The following ARMC3 variants were observed in gnomAD, a reference collection of about 807,000 sequenced individuals.
ARMC3 encodes the protein armadillo repeat-containing protein 3.
Under a neutral mutation model 90.3 loss-of-function variants are expected in ARMC3, and 74 were observed. The observed-to-expected ratio is 0.82, with a 90% CI of 0.68 to 0.99. ARMC3 has a LOEUF of 0.99. Among genes scored for constraint, ARMC3 ranks in the 50% least tolerant of loss-of-function variants. The pLI, the probability that ARMC3 is intolerant of heterozygous loss-of-function variation, is 0.00. For missense variants in ARMC3, 958 were observed against 1,042.8 expected, an observed-to-expected ratio of 0.92 and a Z score of 1.12; for synonymous variants, 334 against 361.8, an observed-to-expected ratio of 0.92 and a Z score of 0.87.
At chr10:22,957,142 C>G (rs1288013916) in intron 4 of ARMC3, among the ~76,000 whole-genome samples, 1 of 152,150 alleles carries the variant, frequency 6.6e-6, no homozygotes, top group Non-Finnish European at 1.5e-5. Flanking sequence ...ATGATAATCT[C>G]AGCAAAACAC....
At chr10:23,014,116 A>C (rs995525479) in intron 16 of ARMC3, 2 of 1,550,116 alleles carry the variant, frequency 1.3e-6, no homozygotes, top group Non-Finnish European at 1.7e-6. Flanking sequence ...CCCCACTTCA[A>C]GATAAACCCT....
intron 16 of ARMC3, among the ~76,000 whole-genome samples, chr10:23,009,528 G>C (rs1436959399): frequency 2.0e-5 from 3 of 152,342 alleles, no homozygotes; most frequent in South Asian, 4.1e-4. Flanking sequence ...GTCTCGCTCT[G>C]TCGCCCAGGC....
At chr10:22,940,634 T>C (rs1380726761) in intron 2 of ARMC3, among the ~76,000 whole-genome samples, 1 of 151,970 alleles carries the variant, frequency 6.6e-6, no homozygotes, top group Non-Finnish European at 1.5e-5. Context: ...TACAGGTGCA[T>C]GCCACCACAC....
chr10:22,954,604 C>A (rs1026853492), intron 3 of ARMC3, among the ~76,000 whole-genome samples: 3 of 147,636 alleles, frequency 2.0e-5, no homozygotes, highest in Non-Finnish European at 4.4e-5. Context: ...CCGAGGAGGT[C>A]GAGACTGCAG....
chr10:22,938,413 A>T (rs1029213655), intron 2 of ARMC3, among the ~76,000 whole-genome samples: 2 of 152,244 alleles, frequency 1.3e-5, no homozygotes, highest in African/African-American at 4.8e-5. Flanking sequence ...GGTGACAAAG[A>T]GAGTAGTAGT....
chr10:23,032,900 G>T lies in ARMC3; in HGVS notation c.2286G>T (p.Glu762Asp). ...AEKMGGKIPKEKLPDFSWELH... is the reference protein window; with the variant it reads ...AEKMGGKIPKDKLPDFSWELH... ...AAATGGGTGGTAAGATTCCAAAAGA[G>T]AAACTACCTGATTTCAGCTGGGAAC... Residue 762 changes from glutamate to aspartate, a missense_variant, in exon 18 of 19, where the codon GAG (glutamate) becomes GAT (aspartate). Glu to Asp is a conservative substitution (Grantham distance 45, BLOSUM62 2). Transcript: ENST00000298032. 6.2e-7 allele frequency: 1 copy of T among 1,612,812 alleles called. No individual in the cohort carries two copies. Among genetic ancestry groups the T allele is most frequent in the Non-Finnish European group, 8.5e-7 (1 of 1,179,364 alleles).
chr10:22,956,894 A>T (rs1201234491), intron 4 of ARMC3, among the ~76,000 whole-genome samples: 1 of 151,444 alleles, frequency 6.6e-6, no homozygotes, highest in Non-Finnish European at 1.5e-5. Context: ...TGTCCATTAG[A>T]ATATCAGTTT....
At chr10:22,990,882 A>G (rs1367387896) in intron 10 of ARMC3, among the ~76,000 whole-genome samples, 1 of 151,878 alleles carries the variant, frequency 6.6e-6, no homozygotes, top group Admixed American at 6.6e-5. Flanking sequence ...CCTTGAAATC[A>G]TCTTTCATCC....
At position 22,966,990 on chromosome 10, in the gene ARMC3, G is replaced by A. The variant is rs930211807; in HGVS notation, c.733-1316G>A. Among the ~76,000 whole-genome samples the A allele has an allele frequency of 3.3e-5, 5 of 151,194 alleles. No individual in the cohort carries two copies. In the East Asian group the frequency reaches 9.8e-4, roughly 30 times the overall value. On this transcript the variant is annotated intron_variant, in intron 7 of 18. Coordinates refer to ENST00000298032, the MANE Select transcript of ARMC3 (RefSeq NM_173081.5). ...AGCCAAACCATATCAATGGGTGTGT[G>A]TTTGGGGGCGGGGGTGGGTAGTGGC...
chr10:22,977,271 G>T (rs755969619), intron 8 of ARMC3, among the ~76,000 whole-genome samples: 2 of 152,076 alleles, frequency 1.3e-5, no homozygotes, highest in African/African-American at 4.8e-5. Flanking sequence ...CTGCTTCCTC[G>T]TGCTGTAACC....
At chr10:22,950,924 AG>A (rs1834716223) in intron 3 of ARMC3, among the ~76,000 whole-genome samples, 1 of 152,056 alleles carries the variant, frequency 6.6e-6, no homozygotes, top group Non-Finnish European at 1.5e-5. Flanking sequence ...GTTAATCAAA[AG>A]ACTGTGAAAA....
At chr10:22,978,107 C>A (rs375181290) in intron 8 of ARMC3, among the ~76,000 whole-genome samples, 1 of 152,312 alleles carries the variant, frequency 6.6e-6, no homozygotes, top group Non-Finnish European at 1.5e-5. Context: ...CTGGCCAGAT[C>A]TACCATATCC....
Position 23,030,653 on chromosome 10 carries a change from G to C in ARMC3, c.2103G>C (p.Val701=), listed in dbSNP as rs370312864. The C allele has an allele frequency of 6.2e-7, 1 of 1,613,758 alleles. No individual in the cohort carries two copies. Among genetic ancestry groups the C allele is most frequent in the Admixed American group, 1.7e-5 (1 of 59,954 alleles). Residue 701 remains valine, a synonymous_variant, in exon 17 of 19, where the codon GTG becomes GTC. Coordinates refer to ENST00000298032, the MANE Select transcript of ARMC3 (RefSeq NM_173081.5). ...TGAAAGAGGAGGAAGAGGTTATGGT[G>C]GTACCAAAATTTGTTGGTGAAGGAA... ...EKVKEEEEVM[V]VPKFVGEGSS...
intron 3 of ARMC3, among the ~76,000 whole-genome samples, chr10:22,954,363 T>G (rs1417122669): frequency 6.6e-6 from 1 of 152,040 alleles, no homozygotes; most frequent in Non-Finnish European, 1.5e-5. Flanking sequence ...AATGTTATGT[T>G]TATAGAAAAA....
At chr10:22,963,691 A>G (rs2131268714) in intron 7 of ARMC3, among the ~76,000 whole-genome samples, 1 of 152,142 alleles carries the variant, frequency 6.6e-6, no homozygotes, top group South Asian at 2.1e-4. Flanking sequence ...GGAGATCGAG[A>G]CCGTCTTGCC....
intron 3 of ARMC3, among the ~76,000 whole-genome samples, chr10:22,952,789 A>C (rs750023776): frequency 2.0e-5 from 3 of 152,232 alleles, no homozygotes; most frequent in African/African-American, 7.2e-5. Context: ...AAAAGTTAGC[A>C]AATTAAATTC....
At chr10:23,010,477 TCCTCCC>T in intron 16 of ARMC3, among the ~76,000 whole-genome samples, 1 of 31,360 alleles carries the variant, frequency 3.2e-5, no homozygotes, top group Non-Finnish European at 7.1e-5. Context: ...TTCCTTTCCC[TCCTCCC>T]TCCTTCCTTT....
At chr10:22,976,525 G>T (rs1835931209) in intron 8 of ARMC3, among the ~76,000 whole-genome samples, 1 of 152,096 alleles carries the variant, frequency 6.6e-6, no homozygotes, top group Non-Finnish European at 1.5e-5. Flanking sequence ...TCTCCTGATT[G>T]TTCTTCAAAT....
chr10:23,017,005 A>C (rs1414662178), intron 16 of ARMC3, among the ~76,000 whole-genome samples: 1 of 152,168 alleles, frequency 6.6e-6, no homozygotes, highest in African/African-American at 2.4e-5. Context: ...CTGCACTTCT[A>C]ATTGACCTTC....
Sources: gnomAD v4.1 joint callset for allele counts (sites outside exome capture counted in the v4.1 genomes callset) on GRCh38, gnomAD v4.1.1 for gene constraint, MANE v1.5 for transcripts, NCBI Gene and HGNC (gene_info 2026-07-23, HGNC 2026-07-21) for gene names.